Variants in ZBTB7C observed in about 807,000 individuals in gnomAD.
ZBTB7C encodes the protein zinc finger and BTB domain-containing protein 7C.
Under a neutral mutation model 25.7 loss-of-function variants are expected in ZBTB7C, and 8 were observed. That is an observed-to-expected ratio of 0.31 (90% CI 0.18 to 0.56). The LOEUF is 0.56. ZBTB7C is among the 20% of genes least tolerant of loss of function. ZBTB7C has a pLI of 0.91. For synonymous variants in ZBTB7C, 394 were observed against 369.0 expected (o/e 1.07, Z -0.78); for missense variants, 824 against 855.2 (o/e 0.96, Z 0.46).
intron 2 of ZBTB7C, among the ~76,000 whole-genome samples, chr18:48,286,413 A>T (rs1005567101): frequency 1.6e-4 from 24 of 152,212 alleles, no homozygotes; most frequent in Non-Finnish European, 3.5e-4. Flanking sequence ...ACATCATCAC[A>T]TCAATTGAAA....
chr18:48,404,790 A>G (rs2048240721), intron 1 of ZBTB7C, among the ~76,000 whole-genome samples: 1 of 152,128 alleles, frequency 6.6e-6, no homozygotes, highest in South Asian at 2.1e-4. Flanking sequence ...CCATCCACCC[A>G]TGCCCAGCCC....
chr18:48,238,022 T>C (rs1272827853), intron 2 of ZBTB7C, among the ~76,000 whole-genome samples: 2 of 152,176 alleles, frequency 1.3e-5, no homozygotes, highest in Non-Finnish European at 2.9e-5. Context: ...ATTCTATTTT[T>C]ATTAGGTTCA....
intron 3 of ZBTB7C, among the ~76,000 whole-genome samples, chr18:48,078,628 C>G (rs952654397): frequency 3.9e-5 from 6 of 152,188 alleles, no homozygotes; most frequent in African/African-American, 1.4e-4. Flanking sequence ...TACAGGAGAA[C>G]CTCCATTCTC....
At chr18:48,381,300 T>A (rs1321313021) in intron 1 of ZBTB7C, among the ~76,000 whole-genome samples, 1 of 152,166 alleles carries the variant, frequency 6.6e-6, no homozygotes, top group Non-Finnish European at 1.5e-5. Flanking sequence ...AGATGATAGC[T>A]ATGCACCAGG....
At chr18:48,325,951 T>C (rs1424023544) in intron 2 of ZBTB7C, among the ~76,000 whole-genome samples, 1 of 152,092 alleles carries the variant, frequency 6.6e-6, no homozygotes, top group Admixed American at 6.6e-5. Context: ...CAAAGACTAT[T>C]ATCTAACAGC....
chr18:48,090,121 C>T (rs879642595), intron 3 of ZBTB7C, among the ~76,000 whole-genome samples: 15 of 152,210 alleles, frequency 9.9e-5, no homozygotes, highest in Admixed American at 9.2e-4. Flanking sequence ...AGGAAAACAC[C>T]CACAGCCAGA....
chr18:48,073,475 G>A (rs1050054567), intron 3 of ZBTB7C, among the ~76,000 whole-genome samples: 23 of 152,130 alleles, frequency 1.5e-4, no homozygotes, highest in Non-Finnish European at 3.4e-4. Context: ...GGTGTGGGGT[G>A]CAGGAAACAA....
chr18:48,272,269 G>A (rs926778678), intron 2 of ZBTB7C, among the ~76,000 whole-genome samples: 7 of 152,210 alleles, frequency 4.6e-5, no homozygotes, highest in Non-Finnish European at 5.9e-5. Flanking sequence ...ACAAAAGGGT[G>A]CAGGAAGGGT....
chr18:48,355,163 TAACATGA>T (rs1277466097), intron 1 of ZBTB7C, among the ~76,000 whole-genome samples: 3 of 152,194 alleles, frequency 2.0e-5, no homozygotes, highest in East Asian at 3.9e-4. Flanking sequence ...CTCTGGTTTA[TAACATGA>T]GCCTCTTGGA....
intron 4 of ZBTB7C, 103 bp from the exon 5 acceptor site, chr18:48,030,014 C>T (rs2035678070): frequency 6.7e-7 from 1 of 1,492,100 alleles, no homozygotes. Flanking sequence ...TCCCTACTGC[C>T]ATGGAGTCAA....
intron 2 of ZBTB7C, among the ~76,000 whole-genome samples, chr18:48,310,710 CAG>C (rs2045798637): frequency 6.6e-6 from 1 of 152,218 alleles, no homozygotes; most frequent in South Asian, 2.1e-4. Flanking sequence ...CCTCAAAGCT[CAG>C]GGGTTTCTTG....
chr18:48,231,869 T>C (rs1387786437), intron 2 of ZBTB7C, among the ~76,000 whole-genome samples: 2 of 152,196 alleles, frequency 1.3e-5, no homozygotes, highest in Non-Finnish European at 2.9e-5. Context: ...GTGCCAGCCA[T>C]GTAAGCTTCT....
intron 1 of ZBTB7C, among the ~76,000 whole-genome samples, chr18:48,396,790 G>C (rs936075674): frequency 6.6e-6 from 1 of 152,134 alleles, no homozygotes; most frequent in African/African-American, 2.4e-5. Flanking sequence ...TATAATACAA[G>C]AAGAATTCTT....
chr18:48,409,431 C>G (rs2048356950), upstream of ZBTB7C: 6 of 146,856 alleles, frequency 4.1e-5, 1 homozygote, highest in South Asian at 1.1e-3. Flanking sequence ...TCCCTCCCCG[C>G]GCCGCGCCTC....
At chr18:48,409,681 G>C (rs942697247), upstream of ZBTB7C, among the ~76,000 whole-genome samples, 12 of 152,170 alleles carry the variant, frequency 7.9e-5, no homozygotes, top group African/African-American at 2.6e-4. Flanking sequence ...CGGCGCGGCG[G>C]GGGGCGCCCG....
chr18:48,224,224 T>C (rs2043031412), intron 2 of ZBTB7C, among the ~76,000 whole-genome samples: 1 of 152,186 alleles, frequency 6.6e-6, no homozygotes, highest in Admixed American at 6.5e-5. Flanking sequence ...TTTATACCAA[T>C]AACCTATGCA....
At chr18:48,177,316 C>G (rs2041714552) in intron 3 of ZBTB7C, among the ~76,000 whole-genome samples, 1 of 152,194 alleles carries the variant, frequency 6.6e-6, no homozygotes, top group Non-Finnish European at 1.5e-5. Flanking sequence ...CCTGCAAAAG[C>G]CTTTCCTTTT....
rs78110328 is a variant in ZBTB7C at position 48,218,788 on chromosome 18, A to G, written c.-78-32793T>C. Reference sequence around the variant, plus strand: ...TCTGCATGTGGGGCTACCCACCTACAGGCCTGCCCTGCTACAGCTCCATCC... The same window carrying G: ...TCTGCATGTGGGGCTACCCACCTACGGGCCTGCCCTGCTACAGCTCCATCC... On this transcript the variant is annotated intron_variant, in intron 2 of 4. Transcript: ENST00000590800. Among the ~76,000 whole-genome samples, 652 of 152,310 alleles carry G rather than the reference A, an allele frequency of 4.3e-3. 1 individual carries two copies. Among genetic ancestry groups the G allele is most frequent in the Non-Finnish European group, 7.2e-3 (487 of 68,008 alleles).
At chr18:48,033,615 T>C (rs190841928) in intron 4 of ZBTB7C, among the ~76,000 whole-genome samples, 1 of 152,334 alleles carries the variant, frequency 6.6e-6, no homozygotes. Flanking sequence ...GAGGATCATC[T>C]AGTTTACCAG....
Sources: gnomAD v4.1 joint callset for allele counts (sites outside exome capture counted in the v4.1 genomes callset) on GRCh38, gnomAD v4.1.1 for gene constraint, MANE v1.5 for transcripts, NCBI Gene and HGNC (gene_info 2026-07-23, HGNC 2026-07-21) for gene names.